SDCCAG8: variants seen among roughly 807,000 people sequenced by gnomAD.
SDCCAG8 encodes serologically defined colon cancer antigen 8.
In SDCCAG8, 74 loss-of-function variants were observed where a neutral mutation model predicts 101.8. The ratio of observed to expected loss-of-function variants is 0.73; its 90% CI spans 0.60 to 0.88. The LOEUF (loss-of-function observed/expected upper bound fraction) is 0.88, where lower values mean the gene tolerates loss of function less well. Ranked by LOEUF, SDCCAG8 falls within the 40% of genes least tolerant of loss-of-function variation. The pLI is 0.00. For missense variants in SDCCAG8, 787 were observed against 822.6 expected (o/e 0.96, Z 0.53); for synonymous variants, 281 against 292.9 (o/e 0.96, Z 0.41).
intron 8 of SDCCAG8, among the ~76,000 whole-genome samples, chr1:243,311,174 A>G (rs2072683242): frequency 6.6e-6 from 1 of 152,244 alleles, no homozygotes; most frequent in Non-Finnish European, 1.5e-5. Context: ...AATATCGTTC[A>G]AAGGAGAGTA....
At chr1:243,349,033 A>G (rs1258739765) in intron 12 of SDCCAG8, among the ~76,000 whole-genome samples, 1 of 151,996 alleles carries the variant, frequency 6.6e-6, no homozygotes, top group African/African-American at 2.4e-5. Flanking sequence ...ACACAATTCT[A>G]AGATACAATT....
At chr1:243,269,194 T>C (rs1029111880) in intron 1 of SDCCAG8, 1 of 152,238 alleles carries the variant, frequency 6.6e-6, no homozygotes, top group Non-Finnish European at 1.5e-5. Flanking sequence ...GGCTTGGGTG[T>C]GACATGGTAT....
At chr1:243,298,207 C>G (rs1332806863) in intron 6 of SDCCAG8, among the ~76,000 whole-genome samples, 2 of 151,914 alleles carry the variant, frequency 1.3e-5, no homozygotes, top group African/African-American at 4.8e-5. Flanking sequence ...TGCCACCATG[C>G]CCAGCTAATT....
At chr1:243,447,248 CAAAAAAAA>C (rs397830130) in intron 16 of SDCCAG8, among the ~76,000 whole-genome samples, 1 of 41,388 alleles carries the variant, frequency 2.4e-5, no homozygotes, top group African/African-American at 1.3e-4. Flanking sequence ...GACTTCGTCT[CAAAAAAAA>C]AAAAAAAAAA....
Position 243,270,130 on chromosome 1 carries a change from A to G in SDCCAG8, c.93A>G (p.Gln31=), listed in dbSNP as rs1280437925. 9 of 1,614,078 alleles carry G rather than the reference A, an allele frequency of 5.6e-6. No individual in the cohort carries two copies. The highest frequency in any genetic ancestry group is 1.7e-5 in the Admixed American group (1 of 59,996). ...AACATGCCAGCAGAAGCATTCACCA[A>G]CTGACATGTGCCCTGAAAGAAGGCG... ...LREHASRSIH[Q]LTCALKEGDV... Residue 31 remains glutamine, a synonymous_variant, in exon 2 of 18, where the codon CAA becomes CAG. Transcript: ENST00000366541.
intron 13 of SDCCAG8, among the ~76,000 whole-genome samples, chr1:243,411,261 C>T (rs1177107888): frequency 6.6e-6 from 1 of 151,772 alleles, no homozygotes; most frequent in Non-Finnish European, 1.5e-5. Context: ...ACTACAGGCA[C>T]ACACCACCGC....
chr1:243,471,630 A>G (rs1005889505), intron 16 of SDCCAG8, among the ~76,000 whole-genome samples: 7 of 152,082 alleles, frequency 4.6e-5, no homozygotes, highest in Admixed American at 6.5e-5. Flanking sequence ...TGGAGGGAGG[A>G]TGATGTATCC....
intron 16 of SDCCAG8, among the ~76,000 whole-genome samples, chr1:243,437,728 C>G (rs1339417131): frequency 6.6e-6 from 1 of 151,972 alleles, no homozygotes; most frequent in Non-Finnish European, 1.5e-5. Flanking sequence ...TTAGTAGAGA[C>G]GGGGTTTCAC....
chr1:243,497,313 G>A (rs1026296396), intron 17 of SDCCAG8, among the ~76,000 whole-genome samples: 30 of 146,788 alleles, frequency 2.0e-4, no homozygotes, highest in Admixed American at 4.1e-4. Context: ...CTCACCATGG[G>A]TCAGGCACGG....
intron 16 of SDCCAG8, among the ~76,000 whole-genome samples, chr1:243,467,848 C>T (rs1166416942): frequency 2.6e-5 from 4 of 152,164 alleles, no homozygotes; most frequent in African/African-American, 9.7e-5. Context: ...GTAGGGAGCA[C>T]CCAGTGTTCA....
chr1:243,457,155 T>A (rs756281231), intron 16 of SDCCAG8, among the ~76,000 whole-genome samples: 1 of 152,230 alleles, frequency 6.6e-6, no homozygotes, highest in Non-Finnish European at 1.5e-5. Flanking sequence ...TGTAAAAAAA[T>A]AATTTATTGA....
intron 1 of SDCCAG8, among the ~76,000 whole-genome samples, chr1:243,261,487 TA>T (rs2067188263): frequency 6.6e-6 from 1 of 152,242 alleles, no homozygotes; most frequent in Non-Finnish European, 1.5e-5. Flanking sequence ...AAACCAAAGA[TA>T]AGGTTGACTT....
intron 12 of SDCCAG8, among the ~76,000 whole-genome samples, chr1:243,371,662 C>A (rs936731398): frequency 3.3e-5 from 5 of 152,088 alleles, no homozygotes; most frequent in African/African-American, 9.7e-5. Context: ...AGAGGATAAT[C>A]ATTTTTGGCT....
intron 16 of SDCCAG8, among the ~76,000 whole-genome samples, chr1:243,486,352 T>C (rs1425515562): frequency 6.6e-6 from 1 of 152,158 alleles, no homozygotes; most frequent in Non-Finnish European, 1.5e-5. Context: ...GGGATCTCAC[T>C]TCTCACAGCA....
chr1:243,488,975 C>T (rs767880791), intron 16 of SDCCAG8, 39 bp from the exon 17 acceptor site: 1 of 1,612,904 alleles, frequency 6.2e-7, no homozygotes, highest in Non-Finnish European at 8.5e-7. Flanking sequence ...GAAAGGCTGA[C>T]GTTATCCCTC....
intron 16 of SDCCAG8, among the ~76,000 whole-genome samples, chr1:243,462,704 A>G (rs534934314): frequency 4.5e-4 from 68 of 152,302 alleles, no homozygotes; most frequent in African/African-American, 1.5e-3. Context: ...AGACACCAGC[A>G]CCTATGTGTG....
intron 17 of SDCCAG8, among the ~76,000 whole-genome samples, chr1:243,492,677 GGCCTACTGCAACCTCT>G (rs1386522346): frequency 8.8e-5 from 11 of 125,476 alleles, no homozygotes; most frequent in African/African-American, 3.5e-4. Flanking sequence ...GCATGGTCTT[GGCCTACTGCAACCTCT>G]GCCTCCTGGG....
intron 11 of SDCCAG8, among the ~76,000 whole-genome samples, chr1:243,342,285 CT>C (rs2075423957): frequency 6.6e-6 from 1 of 152,196 alleles, no homozygotes; most frequent in Non-Finnish European, 1.5e-5. Context: ...AGAGAGTTCT[CT>C]GTCTCAAGAA....
intron 16 of SDCCAG8, among the ~76,000 whole-genome samples, chr1:243,470,804 C>G (rs909076750): frequency 6.6e-6 from 1 of 152,240 alleles, no homozygotes; most frequent in South Asian, 2.1e-4. Context: ...CCAGAGAGAG[C>G]GAGCTTTGAA....
Sources: gnomAD v4.1 joint callset for allele counts (sites outside exome capture counted in the v4.1 genomes callset) on GRCh38, gnomAD v4.1.1 for gene constraint, MANE v1.5 for transcripts, NCBI Gene and HGNC (gene_info 2026-07-23, HGNC 2026-07-21) for gene names.